The following TMTC2 variants were observed in gnomAD, a reference collection of about 807,000 sequenced individuals.
TMTC2 encodes the protein protein O-mannosyl-transferase TMTC2.
Under a neutral mutation model 82.4 loss-of-function variants are expected in TMTC2, and 43 were observed. The ratio of observed to expected loss-of-function variants is 0.52; its 90% CI spans 0.41 to 0.67. The LOEUF (loss-of-function observed/expected upper bound fraction) is 0.67, where lower values mean the gene tolerates loss of function less well. Ranked by LOEUF, TMTC2 falls within the 30% of genes least tolerant of loss-of-function variation. The probability of loss-of-function intolerance (pLI) is 0.00; values close to 1 mark genes in which losing one functional copy is unlikely to be tolerated. For missense variants in TMTC2, 919 were observed against 1,012.4 expected (o/e 0.91, Z 1.25); for synonymous variants, 408 against 381.9 (o/e 1.07, Z -0.80).
At chr12:82,807,109 C>G (rs1289269510) in intron 1 of TMTC2, among the ~76,000 whole-genome samples, 1 of 152,052 alleles carries the variant, frequency 6.6e-6, no homozygotes, top group Non-Finnish European at 1.5e-5. Context: ...CAGAAATATT[C>G]GGAGATATTA....
chr12:82,797,300 C>T (rs938218703), intron 1 of TMTC2, among the ~76,000 whole-genome samples: 2 of 152,006 alleles, frequency 1.3e-5, no homozygotes, highest in African/African-American at 2.4e-5. Context: ...TTTAATAAAA[C>T]GTGTGGGAGG....
At chr12:82,748,031 C>T (rs1409572579) in intron 1 of TMTC2, among the ~76,000 whole-genome samples, 1 of 152,160 alleles carries the variant, frequency 6.6e-6, no homozygotes, top group Non-Finnish European at 1.5e-5. Flanking sequence ...AAAGTTTAGG[C>T]CAGACGCGGT....
At chr12:82,876,858 A>G (rs1279943191) in intron 2 of TMTC2, among the ~76,000 whole-genome samples, 5 of 152,286 alleles carry the variant, frequency 3.3e-5, no homozygotes, top group Middle Eastern at 3.4e-3. Context: ...TGTTTCCCCA[A>G]TGTCCACATC....
chr12:82,933,890 T>A (rs1411634276), intron 4 of TMTC2, among the ~76,000 whole-genome samples: 1 of 152,194 alleles, frequency 6.6e-6, no homozygotes, highest in African/African-American at 2.4e-5. Flanking sequence ...AACATTACCT[T>A]ATAAGATCAT....
intron 7 of TMTC2, among the ~76,000 whole-genome samples, chr12:82,969,828 A>G (rs1327950653): frequency 6.6e-6 from 1 of 152,170 alleles, no homozygotes; most frequent in Admixed American, 6.5e-5. Flanking sequence ...GAGTAACAAT[A>G]ATTGAGGACA....
chr12:82,966,211 T>G (rs1878200833), intron 6 of TMTC2, among the ~76,000 whole-genome samples: 1 of 152,118 alleles, frequency 6.6e-6, no homozygotes, highest in African/African-American at 2.4e-5. Flanking sequence ...CTTAATTCTT[T>G]AAAAAACTAT....
chr12:82,912,598 A>G (rs1251108553), intron 3 of TMTC2, among the ~76,000 whole-genome samples: 2 of 152,096 alleles, frequency 1.3e-5, no homozygotes, highest in Non-Finnish European at 2.9e-5. Context: ...TAATCTGAAT[A>G]TTTTCCAAAG....
chr12:83,022,502 CT>C (rs913468545), intron 8 of TMTC2, among the ~76,000 whole-genome samples: 86 of 152,114 alleles, frequency 5.7e-4, no homozygotes, highest in African/African-American at 2.0e-3. Flanking sequence ...AGGGAAGGAA[CT>C]TTGTCTTGAT....
chr12:82,921,789 C>G (rs897896035), intron 3 of TMTC2, among the ~76,000 whole-genome samples: 1 of 151,868 alleles, frequency 6.6e-6, no homozygotes, highest in Non-Finnish European at 1.5e-5. Context: ...CATCTATAGA[C>G]ATACTCTGTT....
intron 1 of TMTC2, among the ~76,000 whole-genome samples, chr12:82,781,678 C>T (rs1324221950): frequency 2.0e-5 from 3 of 146,952 alleles, no homozygotes; most frequent in African/African-American, 2.5e-5. Flanking sequence ...CTTTTTCTTT[C>T]TTTCCTCTGT....
chr12:82,876,758 T>G (rs1872604445), intron 2 of TMTC2, among the ~76,000 whole-genome samples: 1 of 152,216 alleles, frequency 6.6e-6, no homozygotes, highest in South Asian at 2.1e-4. Context: ...ATTTACTTCT[T>G]TATCTTGATC....
intron 4 of TMTC2, among the ~76,000 whole-genome samples, chr12:82,937,730 A>ATGTGTGTGTG (rs1479455766): frequency 3.8e-5 from 1 of 26,462 alleles, no homozygotes; most frequent in African/African-American, 7.7e-5. Context: ...GTGTGTGTGG[A>ATGTGTGTGTG]TGTGTGTGTG....
intron 8 of TMTC2, among the ~76,000 whole-genome samples, chr12:82,997,180 C>G (rs1879661267): frequency 1.5e-5 from 2 of 134,708 alleles, no homozygotes; most frequent in Non-Finnish European, 3.2e-5. Flanking sequence ...CTCTCTCCCA[C>G]CCCTCCCCCT....
chr12:83,004,739 T>A (rs1452329252), intron 8 of TMTC2, among the ~76,000 whole-genome samples: 3 of 86,636 alleles, frequency 3.5e-5, no homozygotes, highest in Non-Finnish European at 6.5e-5. Flanking sequence ...TTTTTTTTTT[T>A]TTTTTTTTTT....
chr12:82,696,271 T>TA (rs1223634656), intron 1 of TMTC2, among the ~76,000 whole-genome samples: 1 of 152,236 alleles, frequency 6.6e-6, no homozygotes, highest in African/African-American at 2.4e-5. Flanking sequence ...AAAACTGGTA[T>TA]ACCTGAATTC....
At chr12:82,703,748 A>G (rs899421896) in intron 1 of TMTC2, among the ~76,000 whole-genome samples, 44 of 152,090 alleles carry the variant, frequency 2.9e-4, no homozygotes, top group African/African-American at 1.1e-3. Context: ...CGGTCCCCCA[A>G]AGTGCTGGGA....
chr12:83,009,639 T>TC (rs202203136), intron 8 of TMTC2, among the ~76,000 whole-genome samples: 3 of 152,018 alleles, frequency 2.0e-5, no homozygotes, highest in Non-Finnish European at 2.9e-5. Context: ...ATTTCCTTTT[T>TC]CCCCCAAAAA....
Position 83,014,999 on chromosome 12 carries a change from C to T in TMTC2, c.2071-15799C>T, listed in dbSNP as rs148088349. On this transcript the variant is annotated intron_variant, in intron 8 of 11. Coordinates refer to ENST00000321196, the MANE Select transcript of TMTC2 (RefSeq NM_152588.3). ...TTTAAGTAACTTGCCCAAGTAGTCC[C>T]GCTTTTCTAGGGATCAACCTTCACG... Among the ~76,000 whole-genome samples the T allele has an allele frequency of 3.9e-3, 586 of 152,188 alleles. 4 individuals carry two copies. The highest frequency in any genetic ancestry group is 0.013 in the African/African-American group (559 of 41,528).
chr12:82,713,141 G>A (rs781479221), intron 1 of TMTC2, among the ~76,000 whole-genome samples: 11 of 152,220 alleles, frequency 7.2e-5, no homozygotes, highest in Non-Finnish European at 1.6e-4. Context: ...CCAACATGGT[G>A]AAACCCCGTC....
Sources: allele counts gnomAD v4.1 joint callset (sites outside exome capture counted in the v4.1 genomes callset), GRCh38; gene constraint gnomAD v4.1.1; transcripts MANE v1.5; gene names NCBI Gene and HGNC (gene_info 2026-07-23, HGNC 2026-07-21).